Variants in CACNG5 observed in about 807,000 individuals in gnomAD.
CACNG5 encodes the protein voltage-dependent calcium channel gamma-5 subunit.
A neutral mutation model predicts 24.8 loss-of-function variants in CACNG5; 18 were observed. The ratio of observed to expected loss-of-function variants is 0.73; its 90% CI spans 0.50 to 1.08. The LOEUF (loss-of-function observed/expected upper bound fraction) is 1.08, where lower values mean the gene tolerates loss of function less well. CACNG5 is among the 50% of genes least tolerant of loss of function. The pLI, the probability that CACNG5 is intolerant of heterozygous loss-of-function variation, is 0.00. For missense variants in CACNG5, 349 were observed against 367.9 expected (o/e 0.95, Z 0.42); for synonymous variants, 157 against 149.1 (o/e 1.05, Z -0.39).
At chr17:66,835,735 G>T (rs1335131230) in intron 1 of CACNG5, among the ~76,000 whole-genome samples, 3 of 152,130 alleles carry the variant, frequency 2.0e-5, no homozygotes, top group Admixed American at 6.5e-5. Context: ...TGGGACCCGG[G>T]GCTTCCTTCT....
In CACNG5 at chr17:66,866,246, C is replaced by T. The variant is rs1976928120; in HGVS notation, c.-103-10984C>T. Among the ~76,000 whole-genome samples the T allele has an allele frequency of 1.3e-5, 2 of 151,820 alleles. 1 individual carries two copies. The highest frequency in any genetic ancestry group is 4.2e-4 in the South Asian group (2 of 4,814). ...GCTATTAAGTAAAATAAAACTAGGC[C>T]CCACTATGGATGGTATGTGCAGTAT... On this transcript the variant is annotated intron_variant, in intron 1 of 5. Transcript: ENST00000533854.
Position 66,892,229 on chromosome 17 carries a change from C to T in CACNG5, c.*6989C>T, listed in dbSNP as rs1332746509. On this transcript the variant is annotated 3_prime_UTR_variant, in exon 6 of 6. Coordinates refer to ENST00000533854, the MANE Select transcript of CACNG5 (RefSeq NM_145811.3). ...ACCAGCCCCACCTCCTCCGACAAGG[C>T]TGTGCCTGGGGCAAGACGCCAAATT... Among the ~76,000 whole-genome samples, 1 of 152,266 alleles carries T rather than the reference C, an allele frequency of 6.6e-6. No homozygotes were observed. Among genetic ancestry groups the T allele is most frequent in the East Asian group, 1.9e-4 (1 of 5,204 alleles).
At chr17:66,842,751 G>A (rs764429280) in intron 1 of CACNG5, among the ~76,000 whole-genome samples, 3 of 152,166 alleles carry the variant, frequency 2.0e-5, no homozygotes, top group Non-Finnish European at 2.9e-5. Flanking sequence ...AAAAATAGAC[G>A]AGCACTTCCT....
rs2143144246 is a variant in CACNG5 at position 66,889,700 on chromosome 17, G to A, written c.*4460G>A. On this transcript the variant is annotated 3_prime_UTR_variant, in exon 6 of 6. Transcript: ENST00000533854. ...CCTGGCAGAAATCCTGGCTGCTCAG[G>A]GGAGGTCAGCCTTTGTTCTATTCAG... 6.6e-6 allele frequency among the ~76,000 whole-genome samples: 1 copy of A among 152,286 alleles called. No homozygotes were observed. The highest frequency in any genetic ancestry group is 1.9e-4 in the East Asian group (1 of 5,186).
In CACNG5 at chr17:66,885,003, G is replaced by C. The variant is rs753837304; in HGVS notation, c.591G>C (p.Val197=). The change falls in exon 6 of 6, where the codon GTG becomes GTC. Residue 197 remains valine, a synonymous_variant. Transcript: ENST00000533854. ...TGTAGAGTGCCGGGGTGATGTCTGT[G>C]TACCTGTTTATGAAGCGGTACACCG... ...LLTESAGVMS[V]YLFMKRYTAE... 1 of 1,614,146 alleles carries C rather than the reference G, an allele frequency of 6.2e-7. No homozygotes were observed. Among genetic ancestry groups the C allele is most frequent in the East Asian group, 2.2e-5 (1 of 44,874 alleles).
rs1977243592 is a variant in CACNG5 at position 66,885,377 on chromosome 17, C to A, written c.*137C>A. 1 of 1,047,646 alleles carries A rather than the reference C, an allele frequency of 9.5e-7. No homozygotes were observed. The highest frequency in any genetic ancestry group is 3.2e-4 in the Middle Eastern group (1 of 3,104). 64.9% of individuals were successfully genotyped at this position (1,047,646 alleles called of 1,614,324 possible). ...TTAGCTGTTGTCACTTGACCCCAGTCCTCTCCCTGCTTCTCCAGAAGGGCT... is the reference window on the plus strand; with the variant it reads ...TTAGCTGTTGTCACTTGACCCCAGTACTCTCCCTGCTTCTCCAGAAGGGCT... On this transcript the variant is annotated 3_prime_UTR_variant, in exon 6 of 6. Coordinates refer to ENST00000533854, the MANE Select transcript of CACNG5 (RefSeq NM_145811.3).
intron 1 of CACNG5, among the ~76,000 whole-genome samples, chr17:66,841,097 G>T (rs2144496632): frequency 6.6e-6 from 1 of 152,318 alleles, no homozygotes; most frequent in South Asian, 2.1e-4. Context: ...TGTGCCCAAG[G>T]TGGTTGGGGG....
At chr17:66,872,835 G>T (rs1231927472) in intron 1 of CACNG5, among the ~76,000 whole-genome samples, 1 of 152,180 alleles carries the variant, frequency 6.6e-6, no homozygotes, top group East Asian at 1.9e-4. Context: ...ATGCCCTATA[G>T]TATCAAACGA....
intron 1 of CACNG5, among the ~76,000 whole-genome samples, chr17:66,856,032 A>G (rs1363400375): frequency 2.0e-5 from 3 of 152,230 alleles, no homozygotes; most frequent in African/African-American, 7.2e-5. Flanking sequence ...CAATGACTAC[A>G]TAATAGTCCC....
chr17:66,869,031 C>A (rs1207895874), intron 1 of CACNG5, among the ~76,000 whole-genome samples: 1 of 152,128 alleles, frequency 6.6e-6, no homozygotes, highest in Non-Finnish European at 1.5e-5. Context: ...CTTATTAAAT[C>A]TGCCTTGTTG....
intron 1 of CACNG5, among the ~76,000 whole-genome samples, chr17:66,845,459 T>C (rs1171115350): frequency 1.3e-5 from 1 of 76,794 alleles, no homozygotes; most frequent in Non-Finnish European, 2.8e-5. Context: ...TAAAGTAAAA[T>C]TTAAAAAAAA....
chr17:66,877,105 G>T, intron 1 of CACNG5, 125 bp from the exon 2 acceptor site: 2 of 519,728 alleles, frequency 3.8e-6, no homozygotes, highest in Non-Finnish European at 6.9e-6. Context: ...GCGGGGTTAG[G>T]GGGAGGGTGG....
intron 1 of CACNG5, among the ~76,000 whole-genome samples, chr17:66,866,838 A>G (rs1976937582): frequency 1.3e-5 from 2 of 152,164 alleles, no homozygotes; most frequent in Admixed American, 1.3e-4. Context: ...CATGGTGTAT[A>G]TGTACTACAT....
At chr17:66,839,278 A>G (rs1976530541) in intron 1 of CACNG5, among the ~76,000 whole-genome samples, 1 of 116,274 alleles carries the variant, frequency 8.6e-6, no homozygotes, top group African/African-American at 2.9e-5. Context: ...CCATTCTGAC[A>G]ACCAAAAATG....
chr17:66,894,306 G>T lies in CACNG5; in HGVS notation c.*9066G>T, dbSNP rs1232959776. Among the ~76,000 whole-genome samples the T allele has an allele frequency of 6.6e-6, 1 of 152,146 alleles. No homozygotes were observed. The highest frequency in any genetic ancestry group is 1.9e-4 in the East Asian group (1 of 5,196). On this transcript the variant is annotated 3_prime_UTR_variant, in exon 6 of 6. Coordinates refer to ENST00000533854, the MANE Select transcript of CACNG5 (RefSeq NM_145811.3). ...TCAGTGGATCCTTAGAAACTCAATG[G>T]TGGGCTTTTTTGCCTGGATTGGGGG...
chr17:66,860,633 G>GAA (rs4021789), intron 1 of CACNG5, among the ~76,000 whole-genome samples: 33,760 of 147,752 alleles, frequency 0.23, 4,406 homozygotes, highest in East Asian at 0.42. Flanking sequence ...CCACTTGACA[G>GAA]AAAAAAAAAA....
chr17:66,884,496 C>T lies in CACNG5; in HGVS notation c.425-20C>T. On this transcript the variant is annotated intron_variant, in intron 4 of 5. Coordinates refer to ENST00000533854, the MANE Select transcript of CACNG5 (RefSeq NM_145811.3). ...TGGGCCTCTGGGCTGAGCATCCCCT[C>T]TCCCCTGCTGCCCAACCAGGCCTCT... is the stretch of plus-strand genomic sequence containing the variant. 1 of 1,592,308 alleles carries T rather than the reference C, an allele frequency of 6.3e-7. No homozygotes were observed. Among genetic ancestry groups the T allele is most frequent in the Non-Finnish European group, 8.6e-7 (1 of 1,168,456 alleles).
rs1477491526 is a variant in CACNG5, at chr17:66,887,285, T to C, written c.*2045T>C. 2.6e-5 allele frequency among the ~76,000 whole-genome samples: 4 copies of C among 151,946 alleles called. No homozygotes were observed. The highest frequency in any genetic ancestry group is 5.9e-5 in the Non-Finnish European group (4 of 67,984). On this transcript the variant is annotated 3_prime_UTR_variant, in exon 6 of 6. Coordinates refer to ENST00000533854, the MANE Select transcript of CACNG5 (RefSeq NM_145811.3). Reference sequence around the variant, plus strand: ...ACTCTGAGGGGCTTGGCCTAAATGGTTTCCAAGCCCACTCCCCTCCCACCC... The same window carrying C: ...ACTCTGAGGGGCTTGGCCTAAATGGCTTCCAAGCCCACTCCCCTCCCACCC...
At chr17:66,873,047 C>T (rs200993209) in intron 1 of CACNG5, among the ~76,000 whole-genome samples, 10 of 152,136 alleles carry the variant, frequency 6.6e-5, no homozygotes, top group Non-Finnish European at 1.2e-4. Flanking sequence ...AGCCAGCCTA[C>T]GGCTCACCTG....
Sources: gnomAD v4.1 joint callset for allele counts (sites outside exome capture counted in the v4.1 genomes callset) on GRCh38, gnomAD v4.1.1 for gene constraint, MANE v1.5 for transcripts, NCBI Gene and HGNC (gene_info 2026-07-23, HGNC 2026-07-21) for gene names.